Variants in EOLA1 observed in about 807,000 individuals in gnomAD.
EOLA1 encodes endothelium and lymphocyte associated ASCH domain 1.
In EOLA1, 1 loss-of-function variant was observed where a neutral mutation model predicts 4.5. The ratio of observed to expected loss-of-function variants is 0.22; its 90% confidence interval spans 0.08 to 1.05. EOLA1 has a LOEUF of 1.05. EOLA1 is among the 50% of genes least tolerant of loss of function. EOLA1 has a pLI of 0.57. For missense variants in EOLA1, 69 were observed against 127.2 expected, an observed-to-expected ratio of 0.54 and a Z score of 2.20; for synonymous variants, 37 against 52.3, an observed-to-expected ratio of 0.71 and a Z score of 1.26.
chrX:149,544,761 G>C, intron 2 of EOLA1: 2 of 748,743 alleles, frequency 2.7e-6, no homozygotes, highest in South Asian at 6.8e-5. Flanking sequence ...CTGTGGGCTG[G>C]TGCCTCATTC....
intron 1 of EOLA1, chrX:149,541,792 G>A (rs782529849): frequency 1.3e-6 from 1 of 754,974 alleles, no homozygotes; most frequent in East Asian, 1.5e-4. Flanking sequence ...CTGCCCTGCG[G>A]GCTGGTGCAC....
In EOLA1 at chrX:149,545,996, A is replaced by G. The variant is rs781815344; in HGVS notation, c.253+113A>G. On this transcript the variant is annotated intron_variant, in intron 4 of 4. Coordinates refer to ENST00000393985, the MANE Select transcript of EOLA1 (RefSeq NM_001171907.3). ...CTGAACTGATTGGCGTGTATAACAC[A>G]GTTTCCTTTGGCAACACACCTTCAA... The G allele has an allele frequency of 3.4e-4, 291 of 865,085 alleles. 1 individual carries two copies. The East Asian group carries it at 9.4e-3, about 28-fold the overall frequency. 71.3% of individuals were successfully genotyped at this position (865,085 alleles called of 1,213,427 possible).
chrX:149,547,793 A>G lies in EOLA1; in HGVS notation c.*831A>G. 1.6e-5 allele frequency: 2 copies of G among 127,456 alleles called. No individual in the cohort carries two copies. The highest frequency in any genetic ancestry group is 4.4e-4 in the South Asian group (1 of 2,275). 10.5% of individuals were successfully genotyped at this position (127,456 alleles called of 1,213,427 possible). ...CCCTTCTCTTCTGAGCCAGGATGTT[A>G]TGGTGGTTGTACATCCCATGGCAGA... On this transcript the variant is annotated 3_prime_UTR_variant, in exon 5 of 5. Transcript: ENST00000393985.
At chrX:149,545,958 C>G (rs200394392) in intron 4 of EOLA1, 75 bp downstream of exon 4, 179,717 of 1,050,127 alleles carry the variant, frequency 0.17, 11,601 homozygotes, top group Middle Eastern at 0.2. Context: ...AATTTGGGGG[C>G]TTCTCTTGTC....
In EOLA1 at chrX:149,548,175, A is replaced by G. The variant is rs1557348332; in HGVS notation, c.*1213A>G. ...CCTGGTTTCTGCCAATGAGATGTAT[A>G]TAATATACAAGGTTAAAAAAAACAC... On this transcript the variant is annotated 3_prime_UTR_variant, in exon 5 of 5. Transcript: ENST00000393985. 1 of 339,822 alleles carries G rather than the reference A, an allele frequency of 2.9e-6. No homozygotes were observed. The highest frequency in any genetic ancestry group is 2.7e-5 in the African/African-American group (1 of 36,564). The allele number at this position is 339,822 out of a possible 1,213,427, so 28.0% of individuals were successfully genotyped here. A position where few individuals can be genotyped will look rare whatever the true frequency, so the allele number is the denominator to read the frequency against.
intron 1 of EOLA1, chrX:149,541,791 G>C: frequency 2.6e-6 from 2 of 755,886 alleles, no homozygotes; most frequent in South Asian, 6.7e-5. Flanking sequence ...TCTGCCCTGC[G>C]GGCTGGTGCA....
At chrX:149,549,489 G>A (rs1476403778), downstream of EOLA1, 153 of 1,147,957 alleles carry the variant, frequency 1.3e-4, 2 homozygotes, top group Middle Eastern at 2.4e-4. Context: ...GCACCTTTCC[G>A]TTGAAGAACC....
downstream of EOLA1, chrX:149,549,419 C>A (rs1307581779): frequency 8.6e-7 from 1 of 1,162,219 alleles, no homozygotes; most frequent in Non-Finnish European, 1.1e-6. Flanking sequence ...TTTGCAGAAT[C>A]CATAGAGGTT....
rs1317016310 is a variant in EOLA1 at position 149,541,351 on chromosome X, A to G, written c.-230+8A>G. On this transcript the variant is annotated splice_region_variant and intron_variant, in intron 1 of 4. Coordinates refer to ENST00000393985, the MANE Select transcript of EOLA1 (RefSeq NM_001171907.3). ...TCAGCCTTCTTGCGGACGGTACCTG[A>G]GGGCTGGGGTTTCCCTGGATGTGGG... 8.8e-6 allele frequency: 1 copy of G among 113,168 alleles called. No homozygotes were observed. The highest frequency in any genetic ancestry group is 1.9e-5 in the Non-Finnish European group (1 of 53,135). 9.3% of individuals were successfully genotyped at this position (113,168 alleles called of 1,213,427 possible). A position where few individuals can be genotyped will look rare whatever the true frequency, so the allele number is the denominator to read the frequency against.
intron 2 of EOLA1, among the ~76,000 whole-genome samples, chrX:149,544,206 A>G (rs1405546294): frequency 1.7e-5 from 1 of 59,532 alleles, no homozygotes; most frequent in African/African-American, 7.5e-5. Context: ...AGCAGGGTCC[A>G]GAGCACAGCA....
intron 2 of EOLA1, among the ~76,000 whole-genome samples, chrX:149,543,770 C>T (rs1225254359): frequency 6.7e-5 from 6 of 89,235 alleles, no homozygotes; most frequent in Non-Finnish European, 1.4e-4. Context: ...ATGTACGGGC[C>T]TGTCCACCTA....
At position 149,547,632 on chromosome X, in the gene EOLA1, G is replaced by A. The variant is rs2089874003; in HGVS notation, c.*670G>A. On this transcript the variant is annotated 3_prime_UTR_variant, in exon 5 of 5. Coordinates refer to ENST00000393985, the MANE Select transcript of EOLA1 (RefSeq NM_001171907.3). ...CCAAAATACAGCTCTAGTAGAGTGA[G>A]GTTAACTTGGAAATGTGATCAGTAG... is the stretch of plus-strand genomic sequence containing the variant. The A allele has an allele frequency of 2.9e-6, 1 of 346,385 alleles. No homozygotes were observed. Among genetic ancestry groups the A allele is most frequent in the Non-Finnish European group, 3.6e-6 (1 of 275,376 alleles). The allele number at this position is 346,385 out of a possible 1,213,427, so 28.5% of individuals were successfully genotyped here.
rs377737710 is a variant in EOLA1, at chrX:149,545,620, C to T, written c.-11C>T. 279 of 1,202,497 alleles carry T rather than the reference C, an allele frequency of 2.3e-4. No individual in the cohort carries two copies. Among genetic ancestry groups the T allele is most frequent in the Non-Finnish European group, 3.0e-4 (266 of 888,908 alleles). On this transcript the variant is annotated 5_prime_UTR_variant, in exon 4 of 5. Coordinates refer to ENST00000393985, the MANE Select transcript of EOLA1 (RefSeq NM_001171907.3). ...TCCGCAGGCTACGGGAGGCCCGGGG[C>T]GCTTGCGAAGATGAAGTTTGGCTGC... is the stretch of plus-strand genomic sequence containing the variant.
chrX:149,546,383 G>A (rs782371508), intron 4 of EOLA1, among the ~76,000 whole-genome samples: 1 of 106,071 alleles, frequency 9.4e-6, no homozygotes, highest in African/African-American at 3.4e-5. Flanking sequence ...CTGTCCCCTG[G>A]TGACCTGCTC....
chrX:149,541,685 T>C (rs782592254), intron 1 of EOLA1: 45 of 575,252 alleles, frequency 7.8e-5, no homozygotes, highest in Non-Finnish European at 9.2e-5. Flanking sequence ...TCCCAAACAC[T>C]CGCCCCGTGA....
rs1410850278 is a variant in EOLA1 at position 149,545,645 on chromosome X, C to T, written c.15C>T (p.Cys5=). ...CGCTTGCGAAGATGAAGTTTGGCTG[C>T]CTCTCCTTCCGGCAGCCTTATGCTG... The part of the protein sequence containing the change: MKFG[C]LSFRQPYAGF... The change falls in exon 4 of 5, where the codon TGC becomes TGT. Residue 5 remains cysteine (C), a synonymous_variant. Transcript: ENST00000393985. 2.5e-6 allele frequency: 3 copies of T among 1,206,953 alleles called. No individual in the cohort carries two copies. Among genetic ancestry groups the T allele is most frequent in the Non-Finnish European group, 2.2e-6 (2 of 891,292 alleles).
rs1274304473 is a variant in EOLA1 at position 149,541,038 on chromosome X, G to C, written c.-535G>C. The C allele has an allele frequency of 1.8e-5, 2 of 112,849 alleles. No individual in the cohort carries two copies. Among genetic ancestry groups the C allele is most frequent in the Non-Finnish European group, 3.8e-5 (2 of 53,331 alleles). 9.3% of individuals were successfully genotyped at this position (112,849 alleles called of 1,213,427 possible). A position where few individuals can be genotyped will look rare whatever the true frequency, so the allele number is the denominator to read the frequency against. On this transcript the variant is annotated 5_prime_UTR_variant, in exon 1 of 5. Transcript: ENST00000393985. ...GAAGAGTTATAGACCGCTAACACCT[G>C]TCACTGGCCACTGGTTTCCCGGAGT...
chrX:149,544,679 G>C (rs2089801494), intron 2 of EOLA1: 1 of 751,454 alleles, frequency 1.3e-6, no homozygotes, highest in Non-Finnish European at 1.6e-6. Flanking sequence ...CCATGCAAGA[G>C]GAGGGGACCC....
intron 4 of EOLA1, among the ~76,000 whole-genome samples, chrX:149,546,242 C>T (rs1452462656): frequency 4.7e-4 from 46 of 96,941 alleles, no homozygotes; most frequent in African/African-American, 1.5e-3. Context: ...CAGCCCAGCC[C>T]GCCGAATGGG....
Sources: allele counts gnomAD v4.1 joint callset (sites outside exome capture counted in the v4.1 genomes callset), GRCh38; gene constraint gnomAD v4.1.1; transcripts MANE v1.5; gene names NCBI Gene and HGNC (gene_info 2026-07-23, HGNC 2026-07-21).